NECTIN3: variants seen among roughly 807,000 people sequenced by gnomAD.
NECTIN3 encodes the protein nectin cell adhesion molecule 3, also known as nectin-3.
A neutral mutation model predicts 49.4 loss-of-function variants in NECTIN3; 8 were observed. The ratio of observed to expected loss-of-function variants is 0.16; its 90% confidence interval spans 0.10 to 0.29. The LOEUF (loss-of-function observed/expected upper bound fraction) is 0.29, where lower values mean the gene tolerates loss of function less well. NECTIN3 is among the 10% of genes least tolerant of loss of function. The pLI is 1.00. For synonymous variants in NECTIN3, 277 were observed against 241.1 expected (o/e 1.15, Z -1.38); for missense variants, 581 against 654.6 (o/e 0.89, Z 1.23).
intron 7 of NECTIN3, among the ~76,000 whole-genome samples, chr3:111,170,285 A>T (rs781658575): frequency 6.6e-6 from 1 of 152,192 alleles, no homozygotes; most frequent in African/African-American, 2.4e-5. Flanking sequence ...CTATATTGTG[A>T]ATAATAGCTA....
chr3:111,134,239 A>G lies in NECTIN3; in HGVS notation c.*24A>G, dbSNP rs529639085. The G allele has an allele frequency of 1.7e-5, 27 of 1,545,826 alleles. No individual in the cohort carries two copies. The highest frequency in any genetic ancestry group is 4.1e-5 in the Admixed American group (2 of 48,956). ...AGCAACCACTGAATGTGACTTAACTATGTACAATGTTCATTCACACTAGTT... is the reference window on the plus strand; with the variant it reads ...AGCAACCACTGAATGTGACTTAACTGTGTACAATGTTCATTCACACTAGTT... On this transcript the variant is annotated 3_prime_UTR_variant, in exon 6 of 6. Coordinates refer to ENST00000485303, the MANE Select transcript of NECTIN3 (RefSeq NM_015480.3).
chr3:111,141,044 A>G (rs1022197133), downstream of NECTIN3, among the ~76,000 whole-genome samples: 7 of 151,934 alleles, frequency 4.6e-5, no homozygotes, highest in African/African-American at 1.7e-4. Flanking sequence ...CACTTAGCAC[A>G]AGGCCTGACA....
At chr3:111,141,594 C>G (rs1036720803), downstream of NECTIN3, among the ~76,000 whole-genome samples, 1 of 151,724 alleles carries the variant, frequency 6.6e-6, no homozygotes, top group Non-Finnish European at 1.5e-5. Flanking sequence ...CATGTGCATG[C>G]TATCTTTTAA....
chr3:111,178,638 A>G (rs1255301338), intron 7 of NECTIN3, among the ~76,000 whole-genome samples: 1 of 152,232 alleles, frequency 6.6e-6, no homozygotes, highest in Non-Finnish European at 1.5e-5. Flanking sequence ...ACGATAAACC[A>G]GAGCATGTGG....
Position 111,077,343 on chromosome 3 carries a change from G to GAAAAAAAA in NECTIN3, c.160+5166_160+5167insAAAAAAAA. ...AAAAACTTTGGTTTCAACTTTAATG[G>GAAAAAAAA]TAAAAAAAAAAAAAAAAAAAGATCA... is the stretch of plus-strand genomic sequence containing the variant. On this transcript the variant is annotated intron_variant, in intron 1 of 5. Transcript: ENST00000485303. The GAAAAAAAA allele has an allele frequency of 1.7e-4, 5 of 29,690 alleles. 1 individual carries two copies. Among genetic ancestry groups the GAAAAAAAA allele is most frequent in the South Asian group, 2.6e-3 (2 of 780 alleles). 1.8% of individuals were successfully genotyped at this position (29,690 alleles called of 1,614,324 possible). A position where few individuals can be genotyped will look rare whatever the true frequency, so the allele number is the denominator to read the frequency against.
chr3:111,147,539 A>G (rs1263968103), intron 7 of NECTIN3: 2 of 1,352,648 alleles, frequency 1.5e-6, no homozygotes, highest in African/African-American at 1.5e-5. Flanking sequence ...AAAAAATACT[A>G]AGCCATTTGT....
rs149260406 is a variant in NECTIN3, at chr3:111,101,952, T to C, written c.161-10078T>C. Among the ~76,000 whole-genome samples the C allele has an allele frequency of 1.2e-3, 187 of 152,292 alleles. 1 individual carries two copies. Among genetic ancestry groups the C allele is most frequent in the African/African-American group, 4.2e-3 (176 of 41,588 alleles). ...CTTAGCATGGAATGGTCTTCTCAGC[T>C]TATGAAAAGATGAGCCTTCAAGGTA... is the stretch of plus-strand genomic sequence containing the variant. On this transcript the variant is annotated intron_variant, in intron 1 of 5. Coordinates refer to ENST00000485303, the MANE Select transcript of NECTIN3 (RefSeq NM_015480.3).
chr3:111,149,364 A>G (rs979120617), intron 7 of NECTIN3, among the ~76,000 whole-genome samples: 8 of 151,954 alleles, frequency 5.3e-5, no homozygotes, highest in African/African-American at 1.4e-4. Context: ...TAAAAATTCT[A>G]TTGAACTCCT....
intron 1 of NECTIN3, chr3:111,075,121 A>G (rs534084972): frequency 6.6e-6 from 1 of 152,236 alleles, no homozygotes; most frequent in South Asian, 2.1e-4. Context: ...CGCATAAGAC[A>G]GAGTCCTGGC....
chr3:111,127,088 G>T (rs971206554), intron 5 of NECTIN3, among the ~76,000 whole-genome samples: 1 of 152,154 alleles, frequency 6.6e-6, no homozygotes, highest in Non-Finnish European at 1.5e-5. Context: ...TTACAAGAAT[G>T]TAGCAATCTT....
chr3:111,104,313 C>CTTTTTTTTTTTTT (rs935543116), intron 1 of NECTIN3, among the ~76,000 whole-genome samples: 1 of 89,282 alleles, frequency 1.1e-5, no homozygotes, highest in African/African-American at 4.4e-5. Context: ...CTGTTCAGAT[C>CTTTTTTTTTTTTT]TTTTTTTTTT....
intron 7 of NECTIN3, among the ~76,000 whole-genome samples, chr3:111,184,252 A>G (rs2035680154): frequency 6.6e-6 from 1 of 152,166 alleles, no homozygotes; most frequent in South Asian, 2.1e-4. Context: ...CCTTAAACAT[A>G]TTTATAATAG....
At chr3:111,127,015 A>C (rs2034188054) in intron 5 of NECTIN3, among the ~76,000 whole-genome samples, 1 of 152,202 alleles carries the variant, frequency 6.6e-6, no homozygotes, top group South Asian at 2.1e-4. Flanking sequence ...GCAAGTAATA[A>C]ATTATCAATA....
chr3:111,079,374 G>A (rs1483455146), intron 1 of NECTIN3, among the ~76,000 whole-genome samples: 2 of 151,660 alleles, frequency 1.3e-5, no homozygotes, highest in Admixed American at 6.6e-5. Context: ...CATTATATTT[G>A]TAGTTAATAG....
chr3:111,175,384 A>G (rs1470333035), intron 7 of NECTIN3, among the ~76,000 whole-genome samples: 1 of 151,542 alleles, frequency 6.6e-6, no homozygotes, highest in African/African-American at 2.4e-5. Context: ...TCTTCTACCC[A>G]GTGTCTTCTG....
At chr3:111,123,021 C>G (rs2034019098) in intron 4 of NECTIN3, among the ~76,000 whole-genome samples, 1 of 151,118 alleles carries the variant, frequency 6.6e-6, no homozygotes, top group Admixed American at 6.6e-5. Context: ...AGAAGATTTT[C>G]TTGATTTTTT....
At chr3:111,164,946 T>C (rs74579676) in intron 7 of NECTIN3, among the ~76,000 whole-genome samples, 2,303 of 152,338 alleles carry the variant, frequency 0.015, 62 homozygotes, top group East Asian at 0.088. Flanking sequence ...GACAAGACAT[T>C]TCATGCCTGT....
At chr3:111,169,447 GAC>G (rs2035393548) in intron 7 of NECTIN3, among the ~76,000 whole-genome samples, 1 of 142,934 alleles carries the variant, frequency 7.0e-6, no homozygotes, top group Admixed American at 7.1e-5. Context: ...ATCAAAATTT[GAC>G]ATCAAGCATA....
chr3:111,127,891 T>TTAG (rs2107482252), intron 5 of NECTIN3, among the ~76,000 whole-genome samples: 1 of 152,284 alleles, frequency 6.6e-6, no homozygotes, highest in South Asian at 2.1e-4. Context: ...AGGTTACATA[T>TTAG]TAGTATATTA....
Sources: gnomAD v4.1 joint callset for allele counts (sites outside exome capture counted in the v4.1 genomes callset) on GRCh38, gnomAD v4.1.1 for gene constraint, MANE v1.5 for transcripts, NCBI Gene and HGNC (gene_info 2026-07-23, HGNC 2026-07-21) for gene names.